Variants in MATCAP2 observed in about 807,000 individuals in gnomAD.
MATCAP2 encodes putative tyrosine carboxypeptidase MATCAP2.
the MATCAP2 span, among the ~76,000 whole-genome samples, chr7:36,364,991 G>A: frequency 2.0e-5 from 3 of 152,106 alleles, no homozygotes; most frequent in South Asian, 2.1e-4. Context: ...TACAGGGTTG[G>A]ATTCATAAAT....
the MATCAP2 span, among the ~76,000 whole-genome samples, chr7:36,363,761 T>A: frequency 6.6e-6 from 1 of 152,224 alleles, no homozygotes; most frequent in African/African-American, 2.4e-5. Context: ...TAAAATGGGA[T>A]AATAATAATG....
the MATCAP2 span, chr7:36,390,329 T>A: frequency 2.0e-6 from 1 of 502,444 alleles, no homozygotes. Context: ...TTTTACCATG[T>A]CCCTCTGCAG....
At chr7:36,376,295 T>C in the MATCAP2 span, among the ~76,000 whole-genome samples, 9 of 152,360 alleles carry the variant, frequency 5.9e-5, no homozygotes, top group Non-Finnish European at 1.3e-4. Context: ...GTTGTGTCTT[T>C]GTTCTCACTG....
At chr7:36,380,897 T>A in the MATCAP2 span, among the ~76,000 whole-genome samples, 1 of 152,238 alleles carries the variant, frequency 6.6e-6, no homozygotes, top group East Asian at 1.9e-4. Context: ...ACCCAGCTAA[T>A]TTTTTGTATT....
At chr7:36,333,879 C>T in the MATCAP2 span, 1 of 1,611,414 alleles carries the variant, frequency 6.2e-7, no homozygotes, top group Non-Finnish European at 8.5e-7. Context: ...ATCAGTCCAT[C>T]CCCTCTTGGC....
chr7:36,329,045 A>G, the MATCAP2 span, among the ~76,000 whole-genome samples: 1 of 152,188 alleles, frequency 6.6e-6, no homozygotes, highest in African/African-American at 2.4e-5. Context: ...CTCCGTATCA[A>G]AAAAATAAAT....
the MATCAP2 span, among the ~76,000 whole-genome samples, chr7:36,367,890 C>G: frequency 6.6e-6 from 1 of 152,094 alleles, no homozygotes; most frequent in Non-Finnish European, 1.5e-5. Flanking sequence ...ATGGCGAAAA[C>G]CCATCTCTAC....
chr7:36,328,070 T>C, the MATCAP2 span, among the ~76,000 whole-genome samples: 1 of 152,066 alleles, frequency 6.6e-6, no homozygotes, highest in Non-Finnish European at 1.5e-5. Flanking sequence ...TTATCTTTAT[T>C]CTTAAATTTT....
At chr7:36,383,845 T>C in the MATCAP2 span, 2 of 1,566,958 alleles carry the variant, frequency 1.3e-6, no homozygotes, top group Non-Finnish European at 8.8e-7. Flanking sequence ...GAAGTGGCCC[T>C]TCAGCCAAAT....
chr7:36,346,246 C>T, the MATCAP2 span, among the ~76,000 whole-genome samples: 1 of 152,054 alleles, frequency 6.6e-6, no homozygotes, highest in Non-Finnish European at 1.5e-5. Context: ...AAAGGTTAAA[C>T]ATAGAGAAAT....
the MATCAP2 span, among the ~76,000 whole-genome samples, chr7:36,358,974 A>T: frequency 5.9e-5 from 9 of 152,332 alleles, no homozygotes; most frequent in Non-Finnish European, 8.8e-5. Flanking sequence ...AGTTTGTCTT[A>T]AATACATCTC....
the MATCAP2 span, among the ~76,000 whole-genome samples, chr7:36,329,556 G>C: frequency 6.6e-6 from 1 of 152,166 alleles, no homozygotes; most frequent in Non-Finnish European, 1.5e-5. Context: ...TACTGTGTCA[G>C]AAAACATGGA....
the MATCAP2 span, among the ~76,000 whole-genome samples, chr7:36,374,989 G>C: frequency 6.6e-6 from 1 of 152,294 alleles, no homozygotes; most frequent in Admixed American, 6.5e-5. Flanking sequence ...GAATAGTGCT[G>C]CAATAAACAT....
the MATCAP2 span, chr7:36,367,111 C>T: frequency 5.1e-5 from 63 of 1,235,638 alleles, no homozygotes; most frequent in African/African-American, 3.1e-4. Context: ...GAAGACGTAC[C>T]GACACTGACT....
the MATCAP2 span, chr7:36,334,302 C>T: frequency 7.8e-6 from 5 of 638,018 alleles, no homozygotes; most frequent in East Asian, 8.4e-5. Context: ...TTTGGAAGGC[C>T]GAGGCATGCG....
the MATCAP2 span, among the ~76,000 whole-genome samples, chr7:36,327,292 C>A: frequency 6.6e-6 from 1 of 152,144 alleles, no homozygotes; most frequent in Admixed American, 6.5e-5. Context: ...GCGCCCGCCA[C>A]CACACCTGGC....
chr7:36,341,037 G>T, the MATCAP2 span, among the ~76,000 whole-genome samples: 1 of 152,188 alleles, frequency 6.6e-6, no homozygotes, highest in African/African-American at 2.4e-5. Context: ...TATTTTTTCA[G>T]AAGTTTTAAA....
chr7:36,334,303 G>A, the MATCAP2 span: 54 of 631,624 alleles, frequency 8.5e-5, no homozygotes, highest in East Asian at 6.8e-4. Flanking sequence ...TTGGAAGGCC[G>A]AGGCATGCGG....
At chr7:36,381,677 A>C in the MATCAP2 span, among the ~76,000 whole-genome samples, 1 of 151,918 alleles carries the variant, frequency 6.6e-6, no homozygotes, top group South Asian at 2.1e-4. Context: ...TCTCAAAAAA[A>C]AAAAAAAAAA....
Sources: gnomAD v4.1 joint callset for allele counts (sites outside exome capture counted in the v4.1 genomes callset) on GRCh38, gnomAD v4.1.1 for gene constraint, MANE v1.5 for transcripts, NCBI Gene and HGNC (gene_info 2026-07-23, HGNC 2026-07-21) for gene names.